Variants in SLC9A3 observed in about 807,000 individuals in gnomAD.
SLC9A3 encodes solute carrier family 9 member A3.
A neutral mutation model predicts 86.8 loss-of-function variants in SLC9A3; 37 were observed. That is an observed-to-expected ratio of 0.43 (90% CI 0.33 to 0.56). SLC9A3 has a LOEUF of 0.56. SLC9A3 is among the 20% of genes least tolerant of loss of function. The probability of loss-of-function intolerance (pLI) is 0.06; values close to 1 mark genes in which losing one functional copy is unlikely to be tolerated. For missense variants in SLC9A3, 1,011 were observed against 1,171.9 expected, an observed-to-expected ratio of 0.86 and a Z score of 2.00; for synonymous variants, 581 against 528.3, an observed-to-expected ratio of 1.10 and a Z score of -1.37.
At chr5:473,803 G>A (rs1270109989) in intron 16 of SLC9A3, among the ~76,000 whole-genome samples, 1 of 152,204 alleles carries the variant, frequency 6.6e-6, no homozygotes, top group Non-Finnish European at 1.5e-5. Context: ...TCCCTGCTCT[G>A]AGCTGGAGGC....
chr5:500,632 G>A (rs1326216246), intron 1 of SLC9A3, among the ~76,000 whole-genome samples: 1 of 119,854 alleles, frequency 8.3e-6, no homozygotes, highest in Non-Finnish European at 1.6e-5. Context: ...GGCAGGCGTG[G>A]ATGGGGCTGG....
chr5:501,322 A>C (rs905678950), intron 1 of SLC9A3, among the ~76,000 whole-genome samples: 5 of 152,184 alleles, frequency 3.3e-5, no homozygotes, highest in African/African-American at 1.2e-4. Flanking sequence ...TCAAGGTGGC[A>C]GAGATTCAGC....
intron 10 of SLC9A3, chr5:477,783 T>C: frequency 4.2e-6 from 1 of 237,504 alleles, no homozygotes; most frequent in Non-Finnish European, 8.2e-6. Flanking sequence ...GCAGAATCAT[T>C]GAAGTGGTCT....
At chr5:475,371 A>G in intron 15 of SLC9A3, 190 bp downstream of exon 15, 2 of 616,228 alleles carry the variant, frequency 3.2e-6, no homozygotes, top group Non-Finnish European at 5.7e-6. Context: ...TGCCCGGCCC[A>G]CGTCTCCCCG....
At chr5:507,381 TTAAA>T (rs1178700939) in intron 1 of SLC9A3, among the ~76,000 whole-genome samples, 4 of 150,430 alleles carry the variant, frequency 2.7e-5, no homozygotes, top group Non-Finnish European at 5.9e-5. Context: ...TTTTTTTTTC[TTAAA>T]TAGTGTCTAG....
At chr5:520,606 A>T (rs1194309397) in intron 1 of SLC9A3, among the ~76,000 whole-genome samples, 1 of 151,830 alleles carries the variant, frequency 6.6e-6, no homozygotes, top group Non-Finnish European at 1.5e-5. Flanking sequence ...GAGAACTCAG[A>T]TCTGACCACA....
Position 471,387 on chromosome 5 carries a change from T to G in SLC9A3, c.*1992A>C. Reference sequence around the variant, plus strand: ...CCTGGAATCGCCATGCATTGCGCGGTGGACCGCACGACGCTCCTGCTCTGT... The same window carrying G: ...CCTGGAATCGCCATGCATTGCGCGGGGGACCGCACGACGCTCCTGCTCTGT... On this transcript the variant is annotated 3_prime_UTR_variant, in exon 17 of 17. Transcript: ENST00000264938. The G allele has an allele frequency of 3.6e-6, 1 of 280,868 alleles. No individual in the cohort carries two copies. The highest frequency in any genetic ancestry group is 3.5e-5 in the South Asian group (1 of 28,422). 17.4% of individuals were successfully genotyped at this position (280,868 alleles called of 1,614,324 possible).
At chr5:518,507 C>A (rs1405550268) in intron 1 of SLC9A3, among the ~76,000 whole-genome samples, 1 of 152,204 alleles carries the variant, frequency 6.6e-6, no homozygotes, top group East Asian at 1.9e-4. Context: ...ACCTGGTATC[C>A]TGAGACTCTT....
intron 1 of SLC9A3, among the ~76,000 whole-genome samples, chr5:522,935 C>A (rs984610155): frequency 1.3e-5 from 2 of 151,972 alleles, no homozygotes; most frequent in Admixed American, 6.6e-5. Context: ...CAGAGACTCC[C>A]CCCCGGCCAG....
chr5:520,407 C>T (rs1480875293), intron 1 of SLC9A3, among the ~76,000 whole-genome samples: 1 of 152,150 alleles, frequency 6.6e-6, no homozygotes, highest in Non-Finnish European at 1.5e-5. Flanking sequence ...CAGAGCCCCC[C>T]GAAGGGTTGA....
chr5:504,479 G>A (rs1740452981), intron 1 of SLC9A3, among the ~76,000 whole-genome samples: 1 of 152,194 alleles, frequency 6.6e-6, no homozygotes, highest in African/African-American at 2.4e-5. Flanking sequence ...GAACTCCACA[G>A]CCTCCTCCAG....
intron 1 of SLC9A3, among the ~76,000 whole-genome samples, chr5:522,784 T>G (rs1451731666): frequency 6.6e-6 from 1 of 151,946 alleles, no homozygotes; most frequent in African/African-American, 2.4e-5. Context: ...CTTTTCAGTT[T>G]ACACCAGGGG....
Position 472,589 on chromosome 5 carries a change from G to T in SLC9A3, c.*790C>A. ...CCCTGAGACCGGGCGCGGGCAGGAC[G>T]GAACCTGGGGGGGAAACGGGGCAGG... On this transcript the variant is annotated 3_prime_UTR_variant, in exon 17 of 17. Coordinates refer to ENST00000264938, the MANE Select transcript of SLC9A3 (RefSeq NM_004174.4). 2 of 376,730 alleles carry T rather than the reference G, an allele frequency of 5.3e-6. No individual in the cohort carries two copies. Among genetic ancestry groups the T allele is most frequent in the Non-Finnish European group, 1.1e-5 (2 of 187,896 alleles). The allele number at this position is 376,730 out of a possible 1,614,324, so 23.3% of individuals were successfully genotyped here. A position where few individuals can be genotyped will look rare whatever the true frequency, so the allele number is the denominator to read the frequency against.
rs1739404417 is a variant in SLC9A3 at position 485,162 on chromosome 5, T to C, written c.745A>G (p.Lys249Glu). 1 of 1,613,392 alleles carries C rather than the reference T, an allele frequency of 6.2e-7. No homozygotes were observed. Among genetic ancestry groups the C allele is most frequent in the Non-Finnish European group, 8.5e-7 (1 of 1,179,500 alleles). ...ACCCACAGCTACACACCTATGCCCT[T>C]CACGCAGTCCACGCCAGTCACGTTG... ...GDNVTGVDCV[K>E]GIVSFFVVSL... The change falls in exon 4 of 17, where the codon AAG (lysine) becomes GAG (glutamate). Residue 249 changes from lysine to glutamate, a missense_variant. Lys to Glu is a moderately conservative substitution (Grantham distance 56). Around this residue, in one of 3 missense-constraint regions of SLC9A3, gnomAD observed 565 missense variants for 790.0 expected, o/e 0.72. Coordinates refer to ENST00000264938, the MANE Select transcript of SLC9A3 (RefSeq NM_004174.4).
At chr5:520,045 C>T (rs368420517) in intron 1 of SLC9A3, among the ~76,000 whole-genome samples, 1 of 152,166 alleles carries the variant, frequency 6.6e-6, no homozygotes, top group East Asian at 1.9e-4. Context: ...CTTCGAGAGC[C>T]TGCCCCCACC....
At chr5:520,393 G>T (rs760406955) in intron 1 of SLC9A3, among the ~76,000 whole-genome samples, 1 of 152,144 alleles carries the variant, frequency 6.6e-6, no homozygotes, top group South Asian at 2.1e-4. Flanking sequence ...CGAGGTCAGC[G>T]CAGCAGAGCC....
chr5:479,790 A>G (rs890986), intron 10 of SLC9A3, 46 bp downstream of exon 10: 2 of 1,604,998 alleles, frequency 1.2e-6, no homozygotes, highest in African/African-American at 2.7e-5. Flanking sequence ...AGCCAGTGCC[A>G]GAGCCTGCTG....
intron 1 of SLC9A3, among the ~76,000 whole-genome samples, chr5:519,020 G>A (rs528886506): frequency 1.3e-5 from 2 of 152,246 alleles, no homozygotes; most frequent in South Asian, 2.1e-4. Flanking sequence ...AGCTCCAAAC[G>A]CCATGGATTG....
intron 10 of SLC9A3, 153 bp from the exon 11 acceptor site, chr5:477,597 G>T (rs1738834820): frequency 3.6e-6 from 2 of 559,986 alleles, no homozygotes; most frequent in East Asian, 6.3e-5. Flanking sequence ...GCAGAGGGAG[G>T]GGTGGAAATG....
Sources: allele counts gnomAD v4.1 joint callset (sites outside exome capture counted in the v4.1 genomes callset), GRCh38; gene constraint gnomAD v4.1.1; regional missense constraint gnomAD v4.1.1; transcripts MANE v1.5; gene names NCBI Gene and HGNC (gene_info 2026-07-23, HGNC 2026-07-21).